The following ATP2C2 variants were observed in gnomAD, a reference collection of about 807,000 sequenced individuals.
ATP2C2 encodes the protein ATPase secretory pathway Ca2+ transporting 2, also known as calcium-transporting ATPase type 2C member 2.
ATP2C2 carries 171 observed loss-of-function variants against 110.8 expected under a neutral mutation model. That is an observed-to-expected ratio of 1.54 (90% CI 1.36 to 1.75). The LOEUF (loss-of-function observed/expected upper bound fraction) is 1.75. Ranked by LOEUF, ATP2C2 falls within the 40% of genes most tolerant of loss-of-function variation. ATP2C2 has a pLI of 0.00. For synonymous variants in ATP2C2, 804 were observed against 508.4 expected, an observed-to-expected ratio of 1.58 and a Z score of -7.82; for missense variants, 1,963 against 1,235.0, an observed-to-expected ratio of 1.59 and a Z score of -8.84.
In ATP2C2 at chr16:84,401,222, C is replaced by CTTTTT. The variant is rs55635029; in HGVS notation, c.210+2628_210+2632dup. Reference sequence around the variant, plus strand: ...GTGATCTTAGATTGAAGTCTTTAATCTTTTTTTTTTTTTTTTTTTGAGACA... The same window carrying CTTTTT: ...GTGATCTTAGATTGAAGTCTTTAATCTTTTTTTTTTTTTTTTTTTTTTTTGAGACA... On this transcript the variant is annotated intron_variant, in intron 2 of 26. Coordinates refer to ENST00000262429, the MANE Select transcript of ATP2C2 (RefSeq NM_014861.4). 2.6e-4 allele frequency among the ~76,000 whole-genome samples: 31 copies of CTTTTT among 121,548 alleles called. 2 individuals carry two copies. The highest frequency in any genetic ancestry group is 4.7e-4 in the African/African-American group (15 of 32,160). The allele number at this position is 121,548 out of a possible 152,430, so 79.7% of individuals were successfully genotyped here.
intron 1 of ATP2C2, among the ~76,000 whole-genome samples, chr16:84,383,696 T>C (rs570538728): frequency 5.3e-5 from 8 of 151,372 alleles, no homozygotes; most frequent in Non-Finnish European, 1.2e-4. Context: ...CATTTAGACA[T>C]AAATTGCAGA....
Position 84,424,461 on chromosome 16 carries a change from A to G in ATP2C2, c.919+1198A>G, listed in dbSNP as rs376519483. Among the ~76,000 whole-genome samples, 9 of 152,106 alleles carry G rather than the reference A, an allele frequency of 5.9e-5. No homozygotes were observed. In the East Asian group the frequency reaches 1.7e-3, roughly 29 times the overall value. On this transcript the variant is annotated intron_variant, in intron 10 of 26. Transcript: ENST00000262429. Reference sequence around the variant, plus strand: ...CCCAGCTGATTTTTGTATTTTTGGTAGAGACAGGGTTTTGTCATGTTGGCC... The same window carrying G: ...CCCAGCTGATTTTTGTATTTTTGGTGGAGACAGGGTTTTGTCATGTTGGCC...
At chr16:84,415,342 A>C (rs1906735841) in intron 6 of ATP2C2, 141 bp from the exon 7 acceptor site, 2 of 703,700 alleles carry the variant, frequency 2.8e-6, no homozygotes, top group African/African-American at 1.8e-5. Flanking sequence ...TTAATTTCAA[A>C]ATAATAACAC....
chr16:84,418,520 C>T (rs1907035904), intron 7 of ATP2C2, among the ~76,000 whole-genome samples: 1 of 152,204 alleles, frequency 6.6e-6, no homozygotes, highest in South Asian at 2.1e-4. Context: ...ATGCTAACCA[C>T]CGTATGAAAA....
intron 7 of ATP2C2, among the ~76,000 whole-genome samples, chr16:84,418,608 A>C (rs1907043784): frequency 6.6e-6 from 1 of 152,224 alleles, no homozygotes; most frequent in Admixed American, 6.5e-5. Flanking sequence ...CTACACGGAC[A>C]CAGCAGCCCG....
intron 1 of ATP2C2, among the ~76,000 whole-genome samples, chr16:84,396,798 A>T (rs561554806): frequency 6.6e-6 from 1 of 152,008 alleles, no homozygotes; most frequent in Non-Finnish European, 1.5e-5. Flanking sequence ...TGTTGACTTA[A>T]GGAGGGCTCC....
At chr16:84,439,315 C>G (rs764765052) in intron 12 of ATP2C2, 25 bp downstream of exon 12, 1 of 1,613,500 alleles carries the variant, frequency 6.2e-7, no homozygotes, top group Non-Finnish European at 8.5e-7. Context: ...CTGGTGGAAT[C>G]CTTACACGTG....
chr16:84,444,102 G>A (rs1909519401), intron 15 of ATP2C2, among the ~76,000 whole-genome samples: 1 of 147,490 alleles, frequency 6.8e-6, no homozygotes, highest in Non-Finnish European at 1.5e-5. Context: ...AGGAGTCTGA[G>A]GCTGCAATGA....
At chr16:84,446,487 G>C in intron 16 of ATP2C2, 57 bp downstream of exon 16, 1 of 1,286,726 alleles carries the variant, frequency 7.8e-7, no homozygotes, top group Non-Finnish European at 1.1e-6. Flanking sequence ...CCCACCCAGA[G>C]ATAAAGCAAA....
rs947343875 is a variant in ATP2C2, at chr16:84,441,247, A to T, written c.1311+289A>T. ...CAGGAGTTCGAGACCAGCCTGAGCA[A>T]CGTAGTGAGACCCTGTTTCTATTAT... On this transcript the variant is annotated intron_variant, in intron 14 of 26. Transcript: ENST00000262429. 1.2e-4 allele frequency among the ~76,000 whole-genome samples: 19 copies of T among 152,160 alleles called. 2 individuals carry two copies. Among genetic ancestry groups the T allele is most frequent in the Admixed American group, 1.0e-3 (16 of 15,284 alleles).
intron 1 of ATP2C2, among the ~76,000 whole-genome samples, chr16:84,386,825 C>T (rs150136584): frequency 1.8e-4 from 27 of 152,248 alleles, no homozygotes; most frequent in Non-Finnish European, 3.7e-4. Flanking sequence ...GGTCACACAG[C>T]GTAGGTGGGG....
chr16:84,422,251 G>A (rs1014767342), intron 7 of ATP2C2, 139 bp from the exon 8 acceptor site: 37 of 1,010,800 alleles, frequency 3.7e-5, no homozygotes, highest in South Asian at 5.5e-5. Flanking sequence ...CTCAGAGGCC[G>A]TCGTTGTGAC....
intron 2 of ATP2C2, among the ~76,000 whole-genome samples, chr16:84,400,599 T>C (rs1470117762): frequency 6.6e-6 from 1 of 152,214 alleles, no homozygotes; most frequent in Admixed American, 6.5e-5. Context: ...AGTGCTGGGA[T>C]TACAGGCATG....
At chr16:84,459,456 G>A (rs1305614766) in intron 23 of ATP2C2, 70 bp downstream of exon 23, 12 of 1,603,776 alleles carry the variant, frequency 7.5e-6, no homozygotes, top group Non-Finnish European at 1.0e-5. Context: ...GGGGCTGCTG[G>A]CTGTGCCCCA....
chr16:84,441,927 G>A (rs768585148), intron 14 of ATP2C2, among the ~76,000 whole-genome samples: 46 of 147,630 alleles, frequency 3.1e-4, no homozygotes, highest in Non-Finnish European at 1.5e-4. Context: ...CATCTCGAAT[G>A]AATGAATGAA....
At position 84,368,640 on chromosome 16, in the gene ATP2C2, T is replaced by G; in HGVS notation, c.25T>G (p.Phe9Val). MVEGRVSEFLKKLGFSGGG... is the reference protein window; with the variant it reads MVEGRVSEVLKKLGFSGGG... ...CATGGTCGAGGGACGCGTCTCCGAG[T>G]TCCTGAAGAAACTCGGCTTCTCGGG... The change falls in exon 1 of 27, where the codon TTC (phenylalanine) becomes GTC (valine). Residue 9 changes from phenylalanine to valine, a missense_variant. Phe to Val is a conservative substitution (Grantham distance 50). Coordinates refer to ENST00000262429, the MANE Select transcript of ATP2C2 (RefSeq NM_014861.4). The G allele has an allele frequency of 6.4e-7, 1 of 1,563,858 alleles. No individual in the cohort carries two copies. The highest frequency in any genetic ancestry group is 8.7e-7 in the Non-Finnish European group (1 of 1,155,924).
intron 1 of ATP2C2, among the ~76,000 whole-genome samples, chr16:84,380,244 C>G (rs1910496646): frequency 6.6e-6 from 1 of 152,120 alleles, no homozygotes; most frequent in Non-Finnish European, 1.5e-5. Context: ...CCCCAGATAT[C>G]AGCATATTGA....
At chr16:84,400,313 G>A (rs1489453927) in intron 2 of ATP2C2, among the ~76,000 whole-genome samples, 1 of 147,866 alleles carries the variant, frequency 6.8e-6, no homozygotes, top group East Asian at 2.0e-4. Context: ...TATAATAGTT[G>A]TATTTTTAGT....
At chr16:84,436,138 C>T (rs1353495333) in intron 11 of ATP2C2, among the ~76,000 whole-genome samples, 2 of 152,220 alleles carry the variant, frequency 1.3e-5, no homozygotes, top group African/African-American at 2.4e-5. Context: ...CAAACAAACC[C>T]AGCCACCCTT....
Sources: allele counts gnomAD v4.1 joint callset (sites outside exome capture counted in the v4.1 genomes callset), GRCh38; gene constraint gnomAD v4.1.1; transcripts MANE v1.5; gene names NCBI Gene and HGNC (gene_info 2026-07-23, HGNC 2026-07-21).